Variants in SYN3 observed in about 807,000 individuals in gnomAD.
SYN3 encodes the protein synapsin-3.
In SYN3, 35 loss-of-function variants were observed where a neutral mutation model predicts 65.8. The ratio of observed to expected loss-of-function variants is 0.53; its 90% CI spans 0.41 to 0.70. The LOEUF is 0.70. SYN3 is among the 30% of genes least tolerant of loss of function. SYN3 has a pLI of 0.00. For missense variants in SYN3, 680 were observed against 749.0 expected (o/e 0.91, Z 1.08); for synonymous variants, 270 against 292.9 (o/e 0.92, Z 0.80).
chr22:32,537,056 G>T (rs771522453), intron 9 of SYN3, among the ~76,000 whole-genome samples: 16 of 152,156 alleles, frequency 1.1e-4, no homozygotes, highest in Non-Finnish European at 2.1e-4. Context: ...CCCATGCTCT[G>T]TCCATTGCTA....
intron 6 of SYN3, chr22:32,859,340 C>T: frequency 1.2e-6 from 2 of 1,613,288 alleles, no homozygotes; most frequent in Non-Finnish European, 1.7e-6. Flanking sequence ...GGATGGGCCC[C>T]CCCGGATAAA....
At chr22:32,735,503 ATTTG>A (rs907626450) in intron 6 of SYN3, among the ~76,000 whole-genome samples, 8 of 151,630 alleles carry the variant, frequency 5.3e-5, no homozygotes, top group African/African-American at 1.7e-4. Context: ...TCATTCCTGT[ATTTG>A]TTTGTTTGTT....
chr22:32,880,291 T>A (rs1601609730), intron 4 of SYN3, among the ~76,000 whole-genome samples: 2 of 152,044 alleles, frequency 1.3e-5, no homozygotes, highest in African/African-American at 4.8e-5. Flanking sequence ...GAGGCTAAAG[T>A]AGGGATTTGC....
intron 6 of SYN3, among the ~76,000 whole-genome samples, chr22:32,773,657 C>T (rs2045833046): frequency 6.6e-6 from 1 of 152,160 alleles, no homozygotes; most frequent in African/African-American, 2.4e-5. Flanking sequence ...GCCCTTGAGC[C>T]TCCAATTTGC....
chr22:32,773,673 CTGGTCTAT>C (rs1336230861), intron 6 of SYN3, among the ~76,000 whole-genome samples: 2 of 152,196 alleles, frequency 1.3e-5, no homozygotes, highest in Non-Finnish European at 2.9e-5. Context: ...TTTGCACCCA[CTGGTCTAT>C]TGTATGCTGG....
At position 32,855,336 on chromosome 22, in the gene SYN3, A is replaced by G. The variant is rs533032698; in HGVS notation, c.711+9579T>C. 2.1e-4 allele frequency among the ~76,000 whole-genome samples: 32 copies of G among 152,304 alleles called. No individual in the cohort carries two copies. The East Asian group carries it at 4.8e-3, about 23-fold the overall frequency. On this transcript the variant is annotated intron_variant, in intron 6 of 13. Coordinates refer to ENST00000358763, the MANE Select transcript of SYN3 (RefSeq NM_003490.4). The stretch of plus-strand genomic sequence containing the variant: ...TTCACCCCAGTGACTCTGGGCACAC[A>G]CTGTGCCTCTGAAGGAGGCACAGTG...
intron 6 of SYN3, among the ~76,000 whole-genome samples, chr22:32,726,855 C>A (rs914258581): frequency 6.6e-6 from 1 of 152,128 alleles, no homozygotes; most frequent in African/African-American, 2.4e-5. Flanking sequence ...TCTTACTATC[C>A]CACAACCCAT....
chr22:32,848,756 C>T (rs2048138640), intron 6 of SYN3, among the ~76,000 whole-genome samples: 1 of 152,198 alleles, frequency 6.6e-6, no homozygotes, highest in South Asian at 2.1e-4. Context: ...AAGTTACTTA[C>T]TTGCATACAG....
At chr22:32,588,611 C>A (rs1256715553) in intron 7 of SYN3, among the ~76,000 whole-genome samples, 1 of 152,176 alleles carries the variant, frequency 6.6e-6, no homozygotes, top group African/African-American at 2.4e-5. Flanking sequence ...CATTACAACC[C>A]TGGGAGGGAG....
At chr22:33,022,076 T>C (rs1245951600) in intron 1 of SYN3, among the ~76,000 whole-genome samples, 1 of 152,088 alleles carries the variant, frequency 6.6e-6, no homozygotes, top group Non-Finnish European at 1.5e-5. Context: ...TGAACGAAAA[T>C]TGGAATAATG....
intron 6 of SYN3, among the ~76,000 whole-genome samples, chr22:32,848,228 C>T (rs1185325311): frequency 2.0e-5 from 3 of 152,230 alleles, no homozygotes; most frequent in Non-Finnish European, 4.4e-5. Flanking sequence ...CAGCCCTCAA[C>T]CCACTGGGTG....
intron 6 of SYN3, among the ~76,000 whole-genome samples, chr22:32,765,784 CACCACTG>C (rs1301304091): frequency 3.9e-5 from 6 of 152,186 alleles, no homozygotes. Context: ...AAAGATCACA[CACCACTG>C]AATGCAGGAT....
chr22:32,737,124 C>A (rs559663729), intron 6 of SYN3, among the ~76,000 whole-genome samples: 1 of 152,236 alleles, frequency 6.6e-6, no homozygotes, highest in Admixed American at 6.5e-5. Context: ...AGCTGAGCTC[C>A]CAATCCAACT....
intron 6 of SYN3, among the ~76,000 whole-genome samples, chr22:32,642,420 G>T (rs1049518623): frequency 1.1e-4 from 17 of 151,828 alleles, no homozygotes; most frequent in South Asian, 8.3e-4. Flanking sequence ...TTTTTATTTT[G>T]ATTTTGATTT....
chr22:32,696,213 G>C (rs888031604), intron 6 of SYN3, among the ~76,000 whole-genome samples: 1 of 152,192 alleles, frequency 6.6e-6, no homozygotes, highest in Non-Finnish European at 1.5e-5. Context: ...CAAAGAGAGA[G>C]AGTAGAGAAG....
At chr22:32,916,512 T>C (rs2050190549) in intron 4 of SYN3, among the ~76,000 whole-genome samples, 1 of 152,226 alleles carries the variant, frequency 6.6e-6, no homozygotes, top group Admixed American at 6.5e-5. Flanking sequence ...TTGCTAAAAT[T>C]TCCACATTTA....
At chr22:32,571,357 C>T (rs538382431) in intron 7 of SYN3, among the ~76,000 whole-genome samples, 1 of 152,272 alleles carries the variant, frequency 6.6e-6, no homozygotes, top group East Asian at 1.9e-4. Flanking sequence ...CAGGATCTGC[C>T]TCACTCTACC....
intron 2 of SYN3, among the ~76,000 whole-genome samples, chr22:32,999,158 C>A (rs2052984759): frequency 6.6e-6 from 1 of 152,126 alleles, no homozygotes; most frequent in South Asian, 2.1e-4. Flanking sequence ...GATGCGCCAG[C>A]ATGATGAAGT....
intron 3 of SYN3, among the ~76,000 whole-genome samples, chr22:32,936,810 A>G (rs2050788917): frequency 6.6e-6 from 1 of 152,178 alleles, no homozygotes; most frequent in Non-Finnish European, 1.5e-5. Context: ...TTTAAAACTA[A>G]AAGTCCCATT....
Sources: gnomAD v4.1 joint callset for allele counts (sites outside exome capture counted in the v4.1 genomes callset) on GRCh38, gnomAD v4.1.1 for gene constraint, MANE v1.5 for transcripts, NCBI Gene and HGNC (gene_info 2026-07-23, HGNC 2026-07-21) for gene names.